KIDINS220: variants seen among roughly 807,000 people sequenced by gnomAD.
KIDINS220 encodes kinase D interacting substrate 220.
A neutral mutation model predicts 157.6 loss-of-function variants in KIDINS220; 63 were observed. That is an observed-to-expected ratio of 0.40 (90% CI 0.33 to 0.49). The LOEUF (loss-of-function observed/expected upper bound fraction) is 0.49, where lower values mean the gene tolerates loss of function less well. KIDINS220 is among the 20% of genes least tolerant of loss of function. The probability of loss-of-function intolerance (pLI) is 0.66; values close to 1 mark genes in which losing one functional copy is unlikely to be tolerated. For synonymous variants in KIDINS220, 732 were observed against 783.6 expected, an observed-to-expected ratio of 0.93 and a Z score of 1.10; for missense variants, 1,772 against 2,171.2, an observed-to-expected ratio of 0.82 and a Z score of 3.65.
intron 8 of KIDINS220, 106 bp downstream of exon 8, chr2:8,802,824 A>G: frequency 1.2e-6 from 1 of 835,852 alleles, no homozygotes; most frequent in Non-Finnish European, 1.8e-6. Context: ...AACTTATTTT[A>G]AAACAAGTTT....
At chr2:8,783,107 G>C (rs1275426916) in intron 17 of KIDINS220, among the ~76,000 whole-genome samples, 3 of 150,318 alleles carry the variant, frequency 2.0e-5, no homozygotes, top group African/African-American at 7.3e-5. Context: ...TGAGGCAGGA[G>C]AATCACTTGA....
intron 4 of KIDINS220, among the ~76,000 whole-genome samples, chr2:8,817,296 C>T (rs578017694): frequency 6.6e-6 from 1 of 152,074 alleles, no homozygotes; most frequent in East Asian, 1.9e-4. Context: ...ATACGCTGTC[C>T]CTCCTAAAGT....
chr2:8,770,768 A>T lies in KIDINS220; in HGVS notation c.2913T>A (p.Leu971=). 2 of 1,612,756 alleles carry T rather than the reference A, an allele frequency of 1.2e-6. No individual in the cohort carries two copies. Among genetic ancestry groups the T allele is most frequent in the Non-Finnish European group, 1.7e-6 (2 of 1,178,918 alleles). ...NWDRLASWIN[L]TEQWPYRTSW... The stretch of plus-strand genomic sequence containing the variant: ...AAGTCCGGTATGGCCACTGCTCAGT[A>T]AGGTTGATCCAGCTAGCAAGCCTGT... Residue 971 remains leucine (L), a synonymous_variant, in exon 22 of 30, where the codon CTT becomes CTA. Transcript: ENST00000256707.
At chr2:8,778,869 A>G in intron 19 of KIDINS220, 27 bp downstream of exon 19, 2 of 1,610,542 alleles carry the variant, frequency 1.2e-6, no homozygotes, top group Non-Finnish European at 1.7e-6. Context: ...TTTCAAACTC[A>G]AAGTACTTTA....
chr2:8,791,105 C>A lies in KIDINS220; in HGVS notation c.1396G>T (p.Ala466Ser), dbSNP rs1673120273. 6.2e-7 allele frequency: 1 copy of A among 1,614,086 alleles called. No individual in the cohort carries two copies. Among genetic ancestry groups the A allele is most frequent in the Non-Finnish European group, 8.5e-7 (1 of 1,179,956 alleles). ...AAAGATTTCCCACTTCCCCACTGTGCATATAACCCCACACAAATGGGTGGC... is the reference window on the plus strand; with the variant it reads ...AAAGATTTCCCACTTCCCCACTGTGAATATAACCCCACACAAATGGGTGGC... ...MQPPICVGLY[A>S]QWGSGKSFLL... Residue 466 changes from alanine (A) to serine (S), a missense_variant, in exon 13 of 30, where the codon GCA becomes TCA. By Grantham distance (99) the Ala-to-Ser change is moderately conservative. Transcript: ENST00000256707.
At chr2:8,727,359 C>T (rs982298321), downstream of KIDINS220, 11 of 693,042 alleles carry the variant, frequency 1.6e-5, no homozygotes, top group Admixed American at 5.4e-5. Flanking sequence ...CTTTTACCCA[C>T]GTATTCCCTC....
chr2:8,813,357 A>G (rs1676597767), intron 4 of KIDINS220, 22 bp from the exon 5 acceptor site: 3 of 1,509,222 alleles, frequency 2.0e-6, no homozygotes, highest in Admixed American at 1.9e-5. Context: ...ATGTAGGGGT[A>G]AGGGAATCAA....
intron 20 of KIDINS220, 31 bp from the exon 21 acceptor site, chr2:8,776,923 C>A (rs776969035): frequency 1.9e-6 from 3 of 1,605,732 alleles, no homozygotes; most frequent in Non-Finnish European, 2.6e-6. Context: ...TGAGAAGGAA[C>A]CCACGCGTCC....
intron 1 of KIDINS220, among the ~76,000 whole-genome samples, chr2:8,828,846 T>A (rs903144929): frequency 6.6e-6 from 1 of 152,152 alleles, no homozygotes. Flanking sequence ...TAACTCTAAG[T>A]TGGAGCAGAT....
At chr2:8,781,124 A>G (rs1671658132) in intron 17 of KIDINS220, among the ~76,000 whole-genome samples, 1 of 108,186 alleles carries the variant, frequency 9.2e-6, no homozygotes, top group Non-Finnish European at 1.8e-5. Context: ...AGAGAGGGGG[A>G]GTAACTATAT....
chr2:8,773,719 G>C (rs1670552775), intron 21 of KIDINS220, among the ~76,000 whole-genome samples: 1 of 152,024 alleles, frequency 6.6e-6, no homozygotes. Flanking sequence ...TGATCCACCT[G>C]CCTCAGCCTC....
intron 1 of KIDINS220, among the ~76,000 whole-genome samples, chr2:8,831,058 C>T (rs779086958): frequency 1.3e-5 from 2 of 152,196 alleles, no homozygotes; most frequent in Non-Finnish European, 2.9e-5. Flanking sequence ...ACCTACAATA[C>T]ATCTCTCCTA....
At chr2:8,757,855 T>G (rs1451797986) in intron 22 of KIDINS220, 1 of 1,328,352 alleles carries the variant, frequency 7.5e-7, no homozygotes, top group Non-Finnish European at 1.1e-6. Flanking sequence ...GAATTCTGTA[T>G]GTTTTCTTTG....
chr2:8,826,180 T>C (rs1678788019), intron 2 of KIDINS220, among the ~76,000 whole-genome samples: 1 of 152,242 alleles, frequency 6.6e-6, no homozygotes, highest in African/African-American at 2.4e-5. Context: ...AATATCTCAT[T>C]TGAGTTAATG....
intron 22 of KIDINS220, among the ~76,000 whole-genome samples, chr2:8,761,445 A>AT (rs59645793): frequency 6.6e-6 from 1 of 152,280 alleles, no homozygotes; most frequent in East Asian, 1.9e-4. Flanking sequence ...AAGCAGATCG[A>AT]TTTCTTTATG....
At position 8,729,483 on chromosome 2, in the gene KIDINS220, CAG is replaced by C. The variant is rs1663733496; in HGVS notation, c.*1235_*1236del. 2.0e-6 allele frequency: 2 copies of C among 985,244 alleles called. No individual in the cohort carries two copies. Among genetic ancestry groups the C allele is most frequent in the African/African-American group, 1.7e-5 (1 of 57,240 alleles). The allele number at this position is 985,244 out of a possible 1,614,324, so 61.0% of individuals were successfully genotyped here. On this transcript the variant is annotated 3_prime_UTR_variant, in exon 30 of 30. Transcript: ENST00000256707. The stretch of plus-strand genomic sequence containing the variant: ...ATAACAATATTTCATTGCATGATGA[CAG>C]GGTACATTTCTAGTCCACACAGTAC...
chr2:8,769,815 C>G (rs1210044749), intron 22 of KIDINS220, among the ~76,000 whole-genome samples: 1 of 152,090 alleles, frequency 6.6e-6, no homozygotes, highest in East Asian at 1.9e-4. Context: ...CAATTCAGTA[C>G]CACTTCTCAA....
rs534678629 is a variant in KIDINS220 at position 8,741,039 on chromosome 2, A to G, written c.3586-4040T>C. ...GTGGAAATCCTGTTTTCTAGTTTAC[A>G]CTATCGACCTTATTATAAATAGGTT... On this transcript the variant is annotated intron_variant, in intron 26 of 29. Transcript: ENST00000256707. 1.5e-4 allele frequency among the ~76,000 whole-genome samples: 23 copies of G among 152,342 alleles called. No homozygotes were observed. The East Asian group carries it at 4.4e-3, about 29-fold the overall frequency.
chr2:8,730,171 C>T lies in KIDINS220; in HGVS notation c.*549G>A. The T allele has an allele frequency of 2.0e-6, 2 of 986,102 alleles. No individual in the cohort carries two copies. The highest frequency in any genetic ancestry group is 2.4e-6 in the Non-Finnish European group (2 of 830,494). 61.1% of individuals were successfully genotyped at this position (986,102 alleles called of 1,614,324 possible). ...AGCCCTCTTCATTATGTACTTCCTA[C>T]TCTTCAGAACCTCTGTGATAAGCAA... is the stretch of plus-strand genomic sequence containing the variant. On this transcript the variant is annotated 3_prime_UTR_variant, in exon 30 of 30. Transcript: ENST00000256707.
Sources: allele counts gnomAD v4.1 joint callset (sites outside exome capture counted in the v4.1 genomes callset), GRCh38; gene constraint gnomAD v4.1.1; transcripts MANE v1.5; gene names NCBI Gene and HGNC (gene_info 2026-07-23, HGNC 2026-07-21).